Variants in MLPH observed in about 807,000 individuals in gnomAD.
MLPH encodes the protein melanophilin.
Under a neutral mutation model 72.1 loss-of-function variants are expected in MLPH, and 51 were observed. The ratio of observed to expected loss-of-function variants is 0.71; its 90% CI spans 0.56 to 0.89. The LOEUF is 0.89. Ranked by LOEUF, MLPH falls within the 40% of genes least tolerant of loss-of-function variation. The pLI, the probability that MLPH is intolerant of heterozygous loss-of-function variation, is 0.00. For missense variants in MLPH, 743 were observed against 759.9 expected, an observed-to-expected ratio of 0.98 and a Z score of 0.26; for synonymous variants, 301 against 310.1, an observed-to-expected ratio of 0.97 and a Z score of 0.31.
At chr2:237,539,545 C>T (rs74003110) in intron 9 of MLPH, among the ~76,000 whole-genome samples, 30,385 of 152,102 alleles carry the variant, frequency 0.2, 3,324 homozygotes, top group African/African-American at 0.27. Context: ...CATAACTCTG[C>T]CACTTTCTCG....
chr2:237,497,676 C>T (rs955948700), intron 2 of MLPH, among the ~76,000 whole-genome samples: 1 of 150,398 alleles, frequency 6.6e-6, no homozygotes. Context: ...TACCAGAAAT[C>T]CATGATGAAA....
intron 2 of MLPH, among the ~76,000 whole-genome samples, chr2:237,504,739 C>G (rs2106483430): frequency 6.6e-6 from 1 of 152,302 alleles, no homozygotes. Flanking sequence ...CTCCTACCAT[C>G]CAGCGACCCC....
At chr2:237,533,390 C>CATTTTTTTTTTTT (rs1553600847) in intron 8 of MLPH, among the ~76,000 whole-genome samples, 1 of 108,008 alleles carries the variant, frequency 9.3e-6, no homozygotes, top group African/African-American at 3.8e-5. Context: ...ATTTTCTTTT[C>CATTTTTTTTTTTT]TTTTTTTTTT....
chr2:237,524,239 C>T (rs184067718), intron 6 of MLPH, among the ~76,000 whole-genome samples: 12 of 150,364 alleles, frequency 8.0e-5, no homozygotes, highest in East Asian at 7.8e-4. Flanking sequence ...TGATTATTTC[C>T]GCCCTACAGG....
intron 2 of MLPH, among the ~76,000 whole-genome samples, chr2:237,498,783 C>G (rs926872930): frequency 3.9e-5 from 6 of 152,228 alleles, no homozygotes; most frequent in Non-Finnish European, 8.8e-5. Flanking sequence ...CTGCCTCCCA[C>G]GAGGACACAG....
chr2:237,501,483 T>C (rs2106475688), intron 2 of MLPH, among the ~76,000 whole-genome samples: 1 of 152,136 alleles, frequency 6.6e-6, no homozygotes, highest in African/African-American at 2.4e-5. Flanking sequence ...TCTCGTATTA[T>C]TGTTCCTCTC....
chr2:237,534,723 CT>C, intron 9 of MLPH, 76 bp downstream of exon 9: 3 of 1,174,136 alleles, frequency 2.6e-6, no homozygotes, highest in Non-Finnish European at 3.8e-6. Flanking sequence ...GTGACATGGG[CT>C]TTTGGGAGAA....
chr2:237,492,882 C>T (rs999758101), intron 1 of MLPH, among the ~76,000 whole-genome samples: 2 of 152,188 alleles, frequency 1.3e-5, no homozygotes, highest in East Asian at 1.9e-4. Context: ...GTCATCCAGG[C>T]GTCCCTGCCC....
rs1197435536 is a variant in MLPH at position 237,494,985 on chromosome 2, A to G, written c.110+1449A>G. 2.0e-5 allele frequency among the ~76,000 whole-genome samples: 3 copies of G among 152,196 alleles called. No individual in the cohort carries two copies. In the East Asian group the frequency reaches 5.8e-4, roughly 29 times the overall value. Reference sequence around the variant, plus strand: ...AAAATCAAGTTGTCCTCAGAGCTACATTCCAGCTGGAGGCTGGAGGGAGGA... The same window carrying G: ...AAAATCAAGTTGTCCTCAGAGCTACGTTCCAGCTGGAGGCTGGAGGGAGGA... On this transcript the variant is annotated intron_variant, in intron 2 of 15. Transcript: ENST00000264605.
At chr2:237,530,446 G>A (rs7585975) in intron 8 of MLPH, among the ~76,000 whole-genome samples, 20,173 of 152,202 alleles carry the variant, frequency 0.13, 1,479 homozygotes, top group African/African-American at 0.16. Context: ...TAGGGGTTTG[G>A]GTTCTAAAAT....
chr2:237,520,042 T>C lies in MLPH; in HGVS notation c.675+13T>C, dbSNP rs1430837177. ...GGACAGCCCACAGGTCAGTGGGTCC[T>C]CGTGTCTTTCCCCTGCCCCTCCCAG... On this transcript the variant is annotated intron_variant, in intron 6 of 15. Transcript: ENST00000264605. 4.3e-6 allele frequency: 7 copies of C among 1,613,780 alleles called. No individual in the cohort carries two copies. The highest frequency in any genetic ancestry group is 5.1e-6 in the Non-Finnish European group (6 of 1,179,986).
intron 2 of MLPH, among the ~76,000 whole-genome samples, chr2:237,504,429 G>A (rs1208986143): frequency 2.6e-5 from 4 of 152,160 alleles, no homozygotes; most frequent in African/African-American, 4.8e-5. Context: ...TGTTGGCCAG[G>A]CTGGTCTCGA....
chr2:237,553,957 G>A lies in MLPH; in HGVS notation c.*365G>A, dbSNP rs1010864393. On this transcript the variant is annotated 3_prime_UTR_variant, in exon 16 of 16. Transcript: ENST00000264605. ...CTTGGCTTTCTTATGTTGCTTTCAT[G>A]AATGGAATGGAAAAAAGATGACTCA... is the stretch of plus-strand genomic sequence containing the variant. 3 of 400,120 alleles carry A rather than the reference G, an allele frequency of 7.5e-6. No individual in the cohort carries two copies. Among genetic ancestry groups the A allele is most frequent in the Admixed American group, 7.1e-5 (2 of 28,128 alleles). 24.8% of individuals were successfully genotyped at this position (400,120 alleles called of 1,614,324 possible).
Position 237,554,778 on chromosome 2 carries a change from C to G in MLPH, c.*1186C>G, listed in dbSNP as rs2081097760. ...CCTTCCCTCTCTCAATAAGACACTT[C>G]CAGGAGCTTTCCAATCTCTCACTTA... On this transcript the variant is annotated 3_prime_UTR_variant, in exon 16 of 16. Transcript: ENST00000264605. The G allele has an allele frequency of 6.6e-6, 1 of 152,138 alleles. No individual in the cohort carries two copies. Among genetic ancestry groups the G allele is most frequent in the African/African-American group, 2.4e-5 (1 of 41,410 alleles). 9.4% of individuals were successfully genotyped at this position (152,138 alleles called of 1,614,324 possible).
At chr2:237,486,728 G>A (rs1370620365), upstream of MLPH, 4 of 152,254 alleles carry the variant, frequency 2.6e-5, no homozygotes, top group South Asian at 4.1e-4. Flanking sequence ...ATGCCTGGCA[G>A]AATCGAAGGG....
intron 1 of MLPH, among the ~76,000 whole-genome samples, chr2:237,488,876 G>T (rs956348896): frequency 6.6e-6 from 1 of 152,212 alleles, no homozygotes; most frequent in Non-Finnish European, 1.5e-5. Context: ...CAGTCTCAGT[G>T]GTTGGGGCAG....
chr2:237,497,654 A>T (rs1468915572), intron 2 of MLPH, among the ~76,000 whole-genome samples: 14 of 152,238 alleles, frequency 9.2e-5, no homozygotes, highest in Non-Finnish European at 1.6e-4. Context: ...TCTGCAGAGG[A>T]GCTGGCGAAA....
At chr2:237,493,214 T>C (rs186651664) in intron 1 of MLPH, among the ~76,000 whole-genome samples, 189 bp from the exon 2 acceptor site, 1 of 152,294 alleles carries the variant, frequency 6.6e-6, no homozygotes, top group African/African-American at 2.4e-5. Context: ...AATGTGGGAA[T>C]TTTGCATAGA....
At chr2:237,515,631 G>T (rs987384327) in intron 4 of MLPH, among the ~76,000 whole-genome samples, 3 of 152,162 alleles carry the variant, frequency 2.0e-5, no homozygotes, top group African/African-American at 7.2e-5. Context: ...GGTATCAGAG[G>T]TCATAACTGC....
Sources: gnomAD v4.1 joint callset for allele counts (sites outside exome capture counted in the v4.1 genomes callset) on GRCh38, gnomAD v4.1.1 for gene constraint, MANE v1.5 for transcripts, NCBI Gene and HGNC (gene_info 2026-07-23, HGNC 2026-07-21) for gene names.